METTL16: variants seen among roughly 807,000 people sequenced by gnomAD.
METTL16 encodes the protein methyltransferase 16, RNA N6-adenosine.
METTL16 carries 19 observed loss-of-function variants against 57.9 expected under a neutral mutation model. The ratio of observed to expected loss-of-function variants is 0.33; its 90% confidence interval spans 0.23 to 0.48. The LOEUF (loss-of-function observed/expected upper bound fraction) is 0.48. METTL16 is among the 20% of genes least tolerant of loss of function. The probability of loss-of-function intolerance (pLI) is 0.99; values close to 1 mark genes in which losing one functional copy is unlikely to be tolerated. For missense variants in METTL16, 434 were observed against 691.5 expected, an observed-to-expected ratio of 0.63 and a Z score of 4.18; for synonymous variants, 246 against 255.6, an observed-to-expected ratio of 0.96 and a Z score of 0.36.
chr17:2,483,793 T>C (rs930002722), intron 2 of METTL16, among the ~76,000 whole-genome samples: 5 of 152,266 alleles, frequency 3.3e-5, no homozygotes, highest in African/African-American at 1.2e-4. Flanking sequence ...GAGAATATTT[T>C]ATTCCTGTGA....
Position 2,420,631 on chromosome 17 carries a change from C to G in METTL16, c.1063-35G>C, listed in dbSNP as rs970436658. On this transcript the variant is annotated intron_variant, in intron 9 of 9. Transcript: ENST00000263092. This position sits in a 1 kb window ranked among gnomAD's most constrained non-coding sequence, Gnocchi z 5.4. ...GGAAAAACAGAATTTTGTGGGAAAT[C>G]ACGTTTCCCCTCTCTCCAAACTCTC... 3.8e-6 allele frequency: 6 copies of G among 1,571,172 alleles called. No homozygotes were observed. The Admixed American group carries it at 6.0e-5, about 16-fold the overall frequency.
intron 4 of METTL16, among the ~76,000 whole-genome samples, chr17:2,472,389 T>C (rs538412216): frequency 1.3e-5 from 2 of 152,308 alleles, no homozygotes; most frequent in East Asian, 3.9e-4. Context: ...AGTGGTTTCT[T>C]ACAAAATTAA....
chr17:2,490,112 T>C (rs1199063135), intron 2 of METTL16, among the ~76,000 whole-genome samples: 2 of 152,178 alleles, frequency 1.3e-5, no homozygotes, highest in African/African-American at 2.4e-5. Flanking sequence ...TATAAACAGA[T>C]GCAGAGGAAA....
intron 5 of METTL16, 148 bp from the exon 6 acceptor site, chr17:2,464,498 T>A: frequency 1.5e-6 from 1 of 669,176 alleles, no homozygotes; most frequent in Non-Finnish European, 2.3e-6. Flanking sequence ...TCATAGCCAC[T>A]AAAATATTTT....
intron 2 of METTL16, among the ~76,000 whole-genome samples, chr17:2,484,978 C>T (rs1461453503): frequency 6.6e-6 from 1 of 152,172 alleles, no homozygotes; most frequent in Non-Finnish European, 1.5e-5. Context: ...GGGCCGCACC[C>T]TCTATTACAG....
chr17:2,492,306 C>G (rs1021943618), intron 2 of METTL16, among the ~76,000 whole-genome samples: 1 of 152,126 alleles, frequency 6.6e-6, no homozygotes, highest in African/African-American at 2.4e-5. Flanking sequence ...TAGGCTGTCC[C>G]TATGGAACTG....
intron 2 of METTL16, among the ~76,000 whole-genome samples, chr17:2,483,567 T>G (rs76347228): frequency 6.6e-6 from 1 of 152,148 alleles, no homozygotes; most frequent in Admixed American, 6.5e-5. Flanking sequence ...TGGGGGCTAA[T>G]AAAAGAGGGT....
intron 8 of METTL16, among the ~76,000 whole-genome samples, chr17:2,426,728 C>CAAAAAAAAAAAAAAA (rs778818177): frequency 2.8e-5 from 1 of 35,174 alleles, no homozygotes; most frequent in Non-Finnish European, 6.0e-5. Flanking sequence ...GACTCCGTCT[C>CAAAAAAAAAAAAAAA]AAAAAAAAAA....
rs774129477 is a variant in METTL16, at chr17:2,431,210, ATGCTAGGATTACATGTGGGAGC to A, written c.888+6877_888+6898del. 2.2e-3 allele frequency among the ~76,000 whole-genome samples: 342 copies of A among 152,238 alleles called. 1 individual carries two copies. The highest frequency in any genetic ancestry group is 3.5e-3 in the Non-Finnish European group (241 of 68,008). ...GACCCACCTGCCTCTGCCTCCCAAA[ATGCTAGGATTACATGTGGGAGC>A]TGCTGCACCCAGCCTTTTCGTGTAA... On this transcript the variant is annotated intron_variant, in intron 8 of 9. Transcript: ENST00000263092.
intron 6 of METTL16, among the ~76,000 whole-genome samples, chr17:2,449,237 G>A (rs1307064509): frequency 6.6e-6 from 1 of 152,130 alleles, no homozygotes. Flanking sequence ...TGGAATGGAA[G>A]ACTCATTATT....
chr17:2,498,286 C>T (rs562038791), intron 2 of METTL16, among the ~76,000 whole-genome samples: 1 of 151,376 alleles, frequency 6.6e-6, no homozygotes, highest in East Asian at 1.9e-4. Context: ...GTGGCATGTG[C>T]CTGTAGTCCC....
intron 8 of METTL16, among the ~76,000 whole-genome samples, chr17:2,428,594 TATATATATA>T (rs1567881685): frequency 2.0e-5 from 1 of 50,016 alleles, no homozygotes; most frequent in Non-Finnish European, 3.2e-5. Context: ...TATATATATA[TATATATATA>T]AATTGTAATA....
intron 8 of METTL16, among the ~76,000 whole-genome samples, chr17:2,435,408 G>C (rs1470457551): frequency 6.6e-6 from 1 of 152,130 alleles, no homozygotes; most frequent in African/African-American, 2.4e-5. Context: ...GAGGGGGAAA[G>C]TCAGATGGGG....
chr17:2,427,802 G>A (rs1023014202), intron 8 of METTL16, among the ~76,000 whole-genome samples: 1 of 151,978 alleles, frequency 6.6e-6, no homozygotes, highest in African/African-American at 2.4e-5. Context: ...ACCCACAGAT[G>A]TGAAGCTGAA....
intron 2 of METTL16, among the ~76,000 whole-genome samples, chr17:2,495,493 G>A (rs972620606): frequency 2.0e-5 from 3 of 150,852 alleles, no homozygotes; most frequent in Non-Finnish European, 3.0e-5. Flanking sequence ...TCAGGAGTTC[G>A]AGACCAGCCT....
intron 6 of METTL16, among the ~76,000 whole-genome samples, chr17:2,463,534 T>A: frequency 6.6e-6 from 1 of 152,144 alleles, no homozygotes; most frequent in East Asian, 1.9e-4. Context: ...TGATCTCGGC[T>A]CACTGCAACC....
intron 1 of METTL16, among the ~76,000 whole-genome samples, chr17:2,511,521 C>T (rs1220488933): frequency 2.0e-5 from 3 of 152,054 alleles, no homozygotes; most frequent in African/African-American, 7.2e-5. Flanking sequence ...CTCTAAACCT[C>T]CTAAACACCG....
rs780197762 is a variant in METTL16, at chr17:2,477,837, G to C, written c.177C>G (p.Leu59=). 1.2e-6 allele frequency: 2 copies of C among 1,614,072 alleles called. No homozygotes were observed. The highest frequency in any genetic ancestry group is 1.7e-6 in the Non-Finnish European group (2 of 1,179,972). The change falls in exon 3 of 10, where the codon CTC becomes CTG. Residue 59 remains leucine (L), a synonymous_variant. Transcript: ENST00000263092. ...PEAVRALTCT[L]LREDFGLSID... Reference sequence around the variant, plus strand: ...TAGAAAGTCCAAAATCTTCCCTTAGGAGAGTACACGTCAGAGCTCTGACTG... The same window carrying C: ...TAGAAAGTCCAAAATCTTCCCTTAGCAGAGTACACGTCAGAGCTCTGACTG...
intron 8 of METTL16, among the ~76,000 whole-genome samples, chr17:2,423,261 G>GGGGT (rs1178930575): frequency 3.1e-4 from 44 of 143,706 alleles, no homozygotes; most frequent in South Asian, 1.8e-3. Context: ...AAAAACAAAG[G>GGGGT]GTGTGTGTGT....
Sources: allele counts gnomAD v4.1 joint callset (sites outside exome capture counted in the v4.1 genomes callset), GRCh38; gene constraint gnomAD v4.1.1; non-coding constraint Gnocchi (gnomAD v3.1); transcripts MANE v1.5; gene names NCBI Gene and HGNC (gene_info 2026-07-23, HGNC 2026-07-21).